The following CUX2 variants were observed in gnomAD, a reference collection of about 807,000 sequenced individuals.
CUX2 encodes homeobox protein cut-like 2.
A neutral mutation model predicts 144.8 loss-of-function variants in CUX2; 40 were observed. That is an observed-to-expected ratio of 0.28 (90% CI 0.21 to 0.36). CUX2 has a LOEUF of 0.36. Ranked by LOEUF, CUX2 falls within the 10% of genes least tolerant of loss-of-function variation. The pLI is 1.00. For missense variants in CUX2, 1,615 were observed against 1,994.0 expected, an observed-to-expected ratio of 0.81 and a Z score of 3.62; for synonymous variants, 827 against 875.6, an observed-to-expected ratio of 0.94 and a Z score of 0.98.
intron 4 of CUX2, among the ~76,000 whole-genome samples, chr12:111,285,165 C>T (rs997397643): frequency 2.6e-5 from 4 of 152,208 alleles, no homozygotes; most frequent in Non-Finnish European, 5.9e-5. Flanking sequence ...CCCAAAATCA[C>T]TCATCACATG....
chr12:111,321,950 G>A (rs149524266), intron 17 of CUX2, among the ~76,000 whole-genome samples: 114 of 152,018 alleles, frequency 7.5e-4, no homozygotes, highest in Middle Eastern at 3.4e-3. Context: ...GGAGGGGAAG[G>A]GCACAGCAAC....
intron 15 of CUX2, among the ~76,000 whole-genome samples, chr12:111,311,603 A>ATTATTATT (rs1555214917): frequency 7.6e-6 from 1 of 131,026 alleles, no homozygotes; most frequent in African/African-American, 2.8e-5. Flanking sequence ...TATTATTATT[A>ATTATTATT]TTTTTTTTTT....
At chr12:111,158,929 A>G (rs974290266) in intron 1 of CUX2, among the ~76,000 whole-genome samples, 1 of 152,200 alleles carries the variant, frequency 6.6e-6, no homozygotes. Context: ...ACTCAGCCAC[A>G]GAAAAACTTA....
chr12:111,214,161 T>TTCTC (rs200759856), intron 1 of CUX2, 39 bp from the exon 2 acceptor site: 5 of 1,235,384 alleles, frequency 4.0e-6, no homozygotes, highest in South Asian at 3.1e-5. Flanking sequence ...TCTTTTTCTT[T>TTCTC]TCTCTCTCTC....
chr12:111,146,081 A>C (rs1208780288), intron 1 of CUX2, among the ~76,000 whole-genome samples: 1 of 152,136 alleles, frequency 6.6e-6, no homozygotes, highest in African/African-American at 2.4e-5. Context: ...GAGCATATAG[A>C]GAATTTCCAT....
intron 1 of CUX2, among the ~76,000 whole-genome samples, chr12:111,175,359 TTTA>T (rs1309174171): frequency 1.5e-4 from 22 of 147,148 alleles, no homozygotes; most frequent in African/African-American, 5.5e-4. Flanking sequence ...TTTTTTTTTT[TTTA>T]CACTTTTCCA....
At chr12:111,224,600 C>T (rs1230234850) in intron 3 of CUX2, among the ~76,000 whole-genome samples, 1 of 137,188 alleles carries the variant, frequency 7.3e-6, no homozygotes, top group Non-Finnish European at 1.5e-5. Context: ...ACTCCCTAAA[C>T]TACCCTTTTC....
At chr12:111,072,465 C>A (rs1871288790) in intron 1 of CUX2, among the ~76,000 whole-genome samples, 1 of 152,354 alleles carries the variant, frequency 6.6e-6, no homozygotes, top group East Asian at 1.9e-4. Flanking sequence ...GTTTGTAACC[C>A]TTTGTCCATC....
chr12:111,250,373 T>G (rs1883504290), intron 3 of CUX2, among the ~76,000 whole-genome samples: 1 of 151,782 alleles, frequency 6.6e-6, no homozygotes, highest in Non-Finnish European at 1.5e-5. Flanking sequence ...CCCTCGTGTG[T>G]GTATATTGGA....
chr12:111,206,607 G>A (rs1243578819), intron 1 of CUX2, among the ~76,000 whole-genome samples: 2 of 152,216 alleles, frequency 1.3e-5, no homozygotes, highest in Non-Finnish European at 2.9e-5. Flanking sequence ...AGACTGTGTT[G>A]GTTGGTTTCT....
chr12:111,330,707 A>G (rs1275448623), intron 18 of CUX2, among the ~76,000 whole-genome samples: 2,004 of 22,534 alleles, frequency 0.089, 251 homozygotes, highest in South Asian at 0.33. Flanking sequence ...ATATATATAT[A>G]TATATATATA....
intron 1 of CUX2, among the ~76,000 whole-genome samples, chr12:111,185,463 G>A (rs2136187265): frequency 6.6e-6 from 1 of 152,332 alleles, no homozygotes; most frequent in Non-Finnish European, 1.5e-5. Context: ...AGGGACAGGT[G>A]TCGGCGTAAT....
intron 21 of CUX2, among the ~76,000 whole-genome samples, chr12:111,345,691 G>A (rs890540242): frequency 1.4e-5 from 2 of 145,512 alleles, no homozygotes; most frequent in Admixed American, 7.0e-5. Flanking sequence ...AGCCAAGATC[G>A]CGCCACTGCA....
At chr12:111,228,801 C>G (rs534295382) in intron 3 of CUX2, among the ~76,000 whole-genome samples, 6 of 152,122 alleles carry the variant, frequency 3.9e-5, no homozygotes, top group African/African-American at 1.2e-4. Context: ...TTCAAACTTA[C>G]GCTGTTCAAG....
chr12:111,127,903 T>C (rs908261654), intron 1 of CUX2, among the ~76,000 whole-genome samples: 3 of 152,198 alleles, frequency 2.0e-5, no homozygotes, highest in African/African-American at 7.2e-5. Context: ...GTGAGACTTA[T>C]TCACTATCAC....
chr12:111,066,825 A>G (rs1378692568), intron 1 of CUX2, among the ~76,000 whole-genome samples: 2 of 152,186 alleles, frequency 1.3e-5, no homozygotes, highest in Non-Finnish European at 2.9e-5. Flanking sequence ...ATCTTGAGTG[A>G]GCCTCTGCCC....
chr12:111,110,116 C>G (rs1461009065), intron 1 of CUX2, among the ~76,000 whole-genome samples: 1 of 151,424 alleles, frequency 6.6e-6, no homozygotes, highest in African/African-American at 2.4e-5. Flanking sequence ...CTCCTAGGCT[C>G]AAGCAATCCT....
At position 111,171,478 on chromosome 12, in the gene CUX2, G is replaced by A. The variant is rs916400364; in HGVS notation, c.64-42722G>A. On this transcript the variant is annotated intron_variant, in intron 1 of 21. Transcript: ENST00000261726. This position sits in a 1 kb window ranked among gnomAD's most constrained non-coding sequence, Gnocchi z 5.0. ...CTCTCTGACCCAATGCAAGCAGCCC[G>A]GAGACATCTTGCTTCCTTGTTTCCA... is the stretch of plus-strand genomic sequence containing the variant. Among the ~76,000 whole-genome samples the A allele has an allele frequency of 1.3e-5, 2 of 152,152 alleles. No homozygotes were observed. The highest frequency in any genetic ancestry group is 2.9e-5 in the Non-Finnish European group (2 of 68,038).
At chr12:111,084,296 G>A (rs1430443297) in intron 1 of CUX2, among the ~76,000 whole-genome samples, 1 of 152,168 alleles carries the variant, frequency 6.6e-6, no homozygotes, top group Non-Finnish European at 1.5e-5. Context: ...TCCCATTCCT[G>A]CCCAAGTACC....
Sources: gnomAD v4.1 joint callset for allele counts (sites outside exome capture counted in the v4.1 genomes callset) on GRCh38, gnomAD v4.1.1 for gene constraint, Gnocchi (gnomAD v3.1) non-coding constraint, MANE v1.5 for transcripts, NCBI Gene and HGNC (gene_info 2026-07-23, HGNC 2026-07-21) for gene names.